MTMR14: variants seen among roughly 807,000 people sequenced by gnomAD.
The protein encoded by MTMR14 is myotubularin related protein 14, also known as phosphatidylinositol-3,5-bisphosphate 3-phosphatase MTMR14.
MTMR14 carries 48 observed loss-of-function variants against 86.3 expected under a neutral mutation model. The ratio of observed to expected loss-of-function variants is 0.56; its 90% CI spans 0.44 to 0.71. The LOEUF is 0.71. Ranked by LOEUF, MTMR14 falls within the 30% of genes least tolerant of loss-of-function variation. The pLI is 0.00. For missense variants in MTMR14, 780 were observed against 834.6 expected (o/e 0.93, Z 0.81); for synonymous variants, 366 against 326.1 (o/e 1.12, Z -1.32).
chr3:9,651,265 C>T (rs547933510), intron 1 of MTMR14, among the ~76,000 whole-genome samples: 37 of 152,162 alleles, frequency 2.4e-4, no homozygotes, highest in African/African-American at 8.2e-4. Flanking sequence ...CCATGCCTGG[C>T]TAATTTTTCT....
chr3:9,680,210 G>C (rs952816965), intron 9 of MTMR14, among the ~76,000 whole-genome samples: 1 of 152,130 alleles, frequency 6.6e-6, no homozygotes, highest in Admixed American at 6.5e-5. Flanking sequence ...CGAGTTCTTT[G>C]CTCCCACCAC....
At chr3:9,671,416 C>G (rs1395416698) in intron 6 of MTMR14, among the ~76,000 whole-genome samples, 1 of 152,198 alleles carries the variant, frequency 6.6e-6, no homozygotes, top group African/African-American at 2.4e-5. Flanking sequence ...AGCCATCAGT[C>G]TCTACCCAGT....
rs2125440279 is a variant in MTMR14 at position 9,701,010 on chromosome 3, G to C, written c.1770-780G>C. The C allele has an allele frequency of 6.6e-6, 1 of 152,320 alleles. No homozygotes were observed. The highest frequency in any genetic ancestry group is 1.9e-4 in the East Asian group (1 of 5,182). 9.4% of individuals were successfully genotyped at this position (152,320 alleles called of 1,614,324 possible). ...ATTTTTATATTTTCAGTAGAGACAGGGTTTTGCCATGTTGGCCAAGCTAGT... is the reference window on the plus strand; with the variant it reads ...ATTTTTATATTTTCAGTAGAGACAGCGTTTTGCCATGTTGGCCAAGCTAGT... On this transcript the variant is annotated intron_variant, in intron 18 of 18. Coordinates refer to ENST00000296003, the MANE Select transcript of MTMR14 (RefSeq NM_001077525.3). The surrounding 1 kb of genome is among the most constrained non-coding windows in gnomAD (Gnocchi z 4.2).
rs2125448506 is a variant in MTMR14, at chr3:9,701,890, A to C, written c.1870A>C (p.Ser624Arg). The C allele has an allele frequency of 6.2e-7, 1 of 1,614,166 alleles. No individual in the cohort carries two copies. Among genetic ancestry groups the C allele is most frequent in the South Asian group, 1.1e-5 (1 of 91,092 alleles). ...AGTGGGGCTTCGGGCAGTAGCCCCCAGTCCTTCCGGTGCCATCGGGGGCCT... is the reference window on the plus strand; with the variant it reads ...AGTGGGGCTTCGGGCAGTAGCCCCCCGTCCTTCCGGTGCCATCGGGGGCCT... The part of the protein sequence containing the change: ...STVGLRAVAP[S>R]PSGAIGGLLE... The change falls in exon 19 of 19, where the codon AGT becomes CGT. Residue 624 changes from serine to arginine, a missense_variant. Ser to Arg is a moderately radical substitution (Grantham distance 110). Coordinates refer to ENST00000296003, the MANE Select transcript of MTMR14 (RefSeq NM_001077525.3). This position sits in a 1 kb window ranked among gnomAD's most constrained non-coding sequence, Gnocchi z 4.2.
intron 7 of MTMR14, 133 bp downstream of exon 7, chr3:9,672,891 A>G: frequency 1.2e-6 from 1 of 841,482 alleles, no homozygotes; most frequent in East Asian, 2.5e-5. Flanking sequence ...AGTGTAGGAC[A>G]TTTTGGTTCC....
intron 17 of MTMR14, among the ~76,000 whole-genome samples, chr3:9,691,092 G>A (rs1559613331): frequency 6.6e-6 from 1 of 152,230 alleles, no homozygotes; most frequent in Non-Finnish European, 1.5e-5. Context: ...AATGAAGGAA[G>A]TTGGGGAAGA....
intron 5 of MTMR14, among the ~76,000 whole-genome samples, chr3:9,670,516 G>C (rs139363852): frequency 7.9e-4 from 120 of 152,280 alleles, no homozygotes; most frequent in African/African-American, 2.8e-3. Flanking sequence ...CTTTCTCTTT[G>C]CTTCATCGGC....
chr3:9,669,591 T>C (rs2048461542), intron 5 of MTMR14, 99 bp downstream of exon 5: 3 of 1,261,812 alleles, frequency 2.4e-6, no homozygotes, highest in Non-Finnish European at 2.2e-6. Flanking sequence ...TTGTCACTGG[T>C]TCAGGTGAGT....
chr3:9,683,317 G>T (rs1298286270), intron 10 of MTMR14, 73 bp downstream of exon 10: 41 of 1,428,596 alleles, frequency 2.9e-5, no homozygotes, highest in Non-Finnish European at 3.9e-5. Context: ...TGCCTCAACT[G>T]TATGTTTGTT....
chr3:9,696,974 G>A (rs569889531), intron 17 of MTMR14, among the ~76,000 whole-genome samples: 1 of 152,232 alleles, frequency 6.6e-6, no homozygotes, highest in African/African-American at 2.4e-5. Context: ...TGTGAGTGGG[G>A]AGGAGGTGGA....
rs543490074 is a variant in MTMR14, at chr3:9,658,056, T to C, written c.309-4211T>C. On this transcript the variant is annotated intron_variant, in intron 2 of 18. Coordinates refer to ENST00000296003, the MANE Select transcript of MTMR14 (RefSeq NM_001077525.3). ...GGCCACTGTGGAACATGATTAACCTTAGAGGAGCTTGTTGGAGTTTGTTTT... is the reference window on the plus strand; with the variant it reads ...GGCCACTGTGGAACATGATTAACCTCAGAGGAGCTTGTTGGAGTTTGTTTT... 5.9e-5 allele frequency among the ~76,000 whole-genome samples: 9 copies of C among 152,300 alleles called. No homozygotes were observed. In the South Asian group the frequency reaches 1.9e-3, roughly 32 times the overall value.
chr3:9,649,533 C>T lies in MTMR14; in HGVS notation c.-51C>T, dbSNP rs959469824. On this transcript the variant is annotated 5_prime_UTR_variant, in exon 1 of 19. Transcript: ENST00000296003. ...TTCTAGTGTCGGAGTTGGGTGCAGGCAGGTGCCATGGGCCCGCTTGAGGCA... is the reference window on the plus strand; with the variant it reads ...TTCTAGTGTCGGAGTTGGGTGCAGGTAGGTGCCATGGGCCCGCTTGAGGCA... The T allele has an allele frequency of 8.6e-6, 13 of 1,509,402 alleles. No individual in the cohort carries two copies. The highest frequency in any genetic ancestry group is 1.3e-5 in the South Asian group (1 of 79,488). The allele number at this position is 1,509,402 out of a possible 1,614,324, so 93.5% of individuals were successfully genotyped here. A position where few individuals can be genotyped will look rare whatever the true frequency, so the allele number is the denominator to read the frequency against.
At position 9,677,415 on chromosome 3, in the gene MTMR14, G is replaced by A; in HGVS notation, c.822+28G>A. 6.3e-7 allele frequency: 1 copy of A among 1,597,524 alleles called. No homozygotes were observed. Among genetic ancestry groups the A allele is most frequent in the Non-Finnish European group, 8.6e-7 (1 of 1,165,048 alleles). ...ATGAGCAATAACATACATCAAATTG[G>A]ATCTATGTCTCTTTGTAAAGGGAGG... On this transcript the variant is annotated intron_variant, in intron 8 of 18. Transcript: ENST00000296003. This position sits in a 1 kb window ranked among gnomAD's most constrained non-coding sequence, Gnocchi z 4.2.
intron 2 of MTMR14, among the ~76,000 whole-genome samples, chr3:9,655,250 C>T (rs2047528278): frequency 6.6e-6 from 1 of 151,648 alleles, no homozygotes; most frequent in African/African-American, 2.4e-5. Flanking sequence ...TCCTGTAATC[C>T]CAGCTACTCG....
At chr3:9,691,776 G>A (rs905365717) in intron 17 of MTMR14, among the ~76,000 whole-genome samples, 2 of 152,192 alleles carry the variant, frequency 1.3e-5, no homozygotes, top group African/African-American at 4.8e-5. Context: ...CTCTTGGGAG[G>A]CTGAGGAGAA....
At chr3:9,687,677 C>G in intron 13 of MTMR14, 144 bp from the exon 14 acceptor site, 1 of 714,482 alleles carries the variant, frequency 1.4e-6, no homozygotes, top group Non-Finnish European at 2.5e-6. Context: ...CCACCCACAC[C>G]ATTTATGGAC....
chr3:9,690,264 C>T, intron 17 of MTMR14, 121 bp downstream of exon 17: 1 of 1,101,010 alleles, frequency 9.1e-7, no homozygotes, highest in Non-Finnish European at 1.3e-6. Context: ...GCTTGCAGGC[C>T]CAGTATTTGG....
intron 6 of MTMR14, among the ~76,000 whole-genome samples, chr3:9,671,743 C>T (rs565200671): frequency 6.6e-6 from 1 of 152,046 alleles, no homozygotes; most frequent in Non-Finnish European, 1.5e-5. Context: ...CACATATGGA[C>T]CAAATTCAAA....
At chr3:9,683,101 C>G (rs1296377187) in intron 9 of MTMR14, 77 bp from the exon 10 acceptor site, 1 of 1,413,054 alleles carries the variant, frequency 7.1e-7, no homozygotes, top group East Asian at 2.3e-5. Flanking sequence ...CAGAATAACT[C>G]TTGGCATTTT....
Sources: gnomAD v4.1 joint callset for allele counts (sites outside exome capture counted in the v4.1 genomes callset) on GRCh38, gnomAD v4.1.1 for gene constraint, Gnocchi (gnomAD v3.1) non-coding constraint, MANE v1.5 for transcripts, NCBI Gene and HGNC (gene_info 2026-07-23, HGNC 2026-07-21) for gene names.